The following RBL1 variants were observed in gnomAD, a reference collection of about 807,000 sequenced individuals.
RBL1 encodes retinoblastoma-like protein 1.
Under a neutral mutation model 123.0 loss-of-function variants are expected in RBL1, and 82 were observed. The observed-to-expected ratio is 0.67, with a 90% CI of 0.56 to 0.80. The LOEUF (loss-of-function observed/expected upper bound fraction) is 0.80. Among genes scored for constraint, RBL1 ranks in the 30% least tolerant of loss-of-function variants. The pLI is 0.00. For missense variants in RBL1, 1,171 were observed against 1,299.6 expected (o/e 0.90, Z 1.52); for synonymous variants, 405 against 441.3 (o/e 0.92, Z 1.03).
In RBL1 at chr20:36,998,125, G is replaced by A. The variant is rs1189080365; in HGVS notation, c.*634C>T. 1 of 148,826 alleles carries A rather than the reference G, an allele frequency of 6.7e-6. No homozygotes were observed. Among genetic ancestry groups the A allele is most frequent in the African/African-American group, 2.6e-5 (1 of 38,350 alleles). 9.2% of individuals were successfully genotyped at this position (148,826 alleles called of 1,614,324 possible). The stretch of plus-strand genomic sequence containing the variant: ...ATCCTCATATTACAGAACACAGAAG[G>A]AGACATTTATTTTTAAAAGAGAGCT... On this transcript the variant is annotated 3_prime_UTR_variant, in exon 22 of 22. Transcript: ENST00000373664.
At chr20:37,049,700 ATAACTAACTGTG>A (rs1172087689) in intron 11 of RBL1, 1 of 730,478 alleles carries the variant, frequency 1.4e-6, no homozygotes, top group Non-Finnish European at 2.5e-6. Flanking sequence ...AAACCAGAAG[ATAACTAACTGTG>A]TATGAGTTAA....
intron 20 of RBL1, among the ~76,000 whole-genome samples, 154 bp from the exon 21 acceptor site, chr20:37,004,020 C>CTT (rs34799722): frequency 7.4e-6 from 1 of 134,896 alleles, no homozygotes; most frequent in Non-Finnish European, 1.6e-5. Context: ...TTTACTTCTT[C>CTT]TTTTTTTTTT....
rs752315167 is a variant in RBL1, at chr20:37,035,510, T to TA, written c.1904-3dup. The TA allele has an allele frequency of 1.6e-4, 246 of 1,523,168 alleles. No homozygotes were observed. Among genetic ancestry groups the TA allele is most frequent in the Middle Eastern group, 3.5e-4 (2 of 5,686 alleles). 94.4% of individuals were successfully genotyped at this position (1,523,168 alleles called of 1,614,324 possible). On this transcript the variant is annotated splice_region_variant and splice_polypyrimidine_tract_variant and intron_variant, in intron 14 of 21. Transcript: ENST00000373664. ...AAATTGGAGACAATGGTTGCATATC[T>TA]AAAAAAAAATAATAAATTTAAAACA...
At chr20:37,036,086 A>C (rs1044696379) in intron 14 of RBL1, among the ~76,000 whole-genome samples, 5 of 152,148 alleles carry the variant, frequency 3.3e-5, no homozygotes, top group Non-Finnish European at 1.5e-5. Flanking sequence ...TCAAAAATAA[A>C]GTAAGGATTA....
Position 37,066,872 on chromosome 20 carries a change from T to TGTAG in RBL1, c.697_698insCTAC (p.Asp233AlafsTer7), listed in dbSNP as rs773464222. On this transcript the variant is annotated frameshift_variant, in exon 6 of 22. Coordinates refer to ENST00000373664, the MANE Select transcript of RBL1 (RefSeq NM_002895.5). LOFTEE classifies it high-confidence loss of function. ...AGCCGTAAAGTCAGCAGTATGAAAATCAGATGGTAAACCTAGTTTGACAGT... is the reference window on the plus strand; with the variant it reads ...AGCCGTAAAGTCAGCAGTATGAAAATGTAGCAGATGGTAAACCTAGTTTGACAGT... 1 of 1,613,100 alleles carries TGTAG rather than the reference T, an allele frequency of 6.2e-7. No individual in the cohort carries two copies. The highest frequency in any genetic ancestry group is 8.5e-7 in the Non-Finnish European group (1 of 1,179,774).
At chr20:37,058,923 A>G (rs1353430203) in intron 9 of RBL1, among the ~76,000 whole-genome samples, 1 of 152,078 alleles carries the variant, frequency 6.6e-6, no homozygotes, top group Non-Finnish European at 1.5e-5. Context: ...CTGTAGAGAC[A>G]GGGTCTCATC....
chr20:36,996,608 A>C lies in RBL1; in HGVS notation c.*2151T>G, dbSNP rs913089175. ...CAGGCACATGCCATCACACCCAACT[A>C]ATTTTTTTATTTTTTGTAGAGATGA... On this transcript the variant is annotated 3_prime_UTR_variant, in exon 22 of 22. Coordinates refer to ENST00000373664, the MANE Select transcript of RBL1 (RefSeq NM_002895.5). 1 of 152,064 alleles carries C rather than the reference A, an allele frequency of 6.6e-6. No homozygotes were observed. Among genetic ancestry groups the C allele is most frequent in the African/African-American group, 2.4e-5 (1 of 41,402 alleles). 9.4% of individuals were successfully genotyped at this position (152,064 alleles called of 1,614,324 possible).
At chr20:37,078,002 G>A (rs1819233992) in intron 2 of RBL1, among the ~76,000 whole-genome samples, 1 of 152,146 alleles carries the variant, frequency 6.6e-6, no homozygotes, top group Non-Finnish European at 1.5e-5. Flanking sequence ...CCTGGAACCA[G>A]TTCCTCAGAC....
chr20:37,023,621 A>G (rs1212256752), intron 16 of RBL1, among the ~76,000 whole-genome samples: 1 of 152,182 alleles, frequency 6.6e-6, no homozygotes, highest in Non-Finnish European at 1.5e-5. Flanking sequence ...CAGGAATGTT[A>G]AAATAAGTAA....
intron 11 of RBL1, chr20:37,049,730 T>C: frequency 1.6e-6 from 1 of 611,542 alleles, no homozygotes; most frequent in Non-Finnish European, 2.9e-6. Context: ...TAATAAAAGA[T>C]ATAAACTAAC....
In RBL1 at chr20:37,003,794, G is replaced by A; in HGVS notation, c.2944C>T (p.Gln982Ter). The change falls in exon 21 of 22, where the codon CAG becomes TAG. Residue 982 changes from glutamine to a stop codon, truncating the protein, a stop_gained. Coordinates refer to ENST00000373664, the MANE Select transcript of RBL1 (RefSeq NM_002895.5). LOFTEE classifies it high-confidence loss of function. ...QPGSPRRISQ[Q>*]HSIYISPHKN... ...TGCGGGGAAATATAAATGGAGTGCT[G>A]CTGGGAAATGCGGCGTGGTGAGCCT... is the stretch of plus-strand genomic sequence containing the variant. 1 of 1,614,060 alleles carries A rather than the reference G, an allele frequency of 6.2e-7. No individual in the cohort carries two copies. The highest frequency in any genetic ancestry group is 1.1e-5 in the South Asian group (1 of 91,086).
In RBL1 at chr20:37,074,840, A is replaced by G. The variant is rs527822816; in HGVS notation, c.291-6654T>C. On this transcript the variant is annotated intron_variant, in intron 2 of 21. Coordinates refer to ENST00000373664, the MANE Select transcript of RBL1 (RefSeq NM_002895.5). ...ACTCTGTCTCAAAGAAAAGTTAAAC[A>G]TAGAATCACCATATGACTCAGCAAT... 3.3e-5 allele frequency among the ~76,000 whole-genome samples: 5 copies of G among 152,324 alleles called. No individual in the cohort carries two copies. The East Asian group carries it at 9.6e-4, about 29-fold the overall frequency.
At chr20:37,020,779 T>C in intron 17 of RBL1, 49 bp from the exon 18 acceptor site, 1 of 1,296,358 alleles carries the variant, frequency 7.7e-7, no homozygotes, top group Non-Finnish European at 1.1e-6. Flanking sequence ...GAAAGAAAAA[T>C]GGCTCTGAAC....
At chr20:37,059,390 G>C (rs1164157949) in intron 9 of RBL1, among the ~76,000 whole-genome samples, 1 of 152,098 alleles carries the variant, frequency 6.6e-6, no homozygotes, top group Non-Finnish European at 1.5e-5. Context: ...CCTATTCTAG[G>C]GTTCACTATT....
In RBL1 at chr20:37,066,819, C is replaced by A; in HGVS notation, c.751G>T (p.Val251Leu). The A allele has an allele frequency of 1.2e-6, 2 of 1,612,924 alleles. No individual in the cohort carries two copies. The highest frequency in any genetic ancestry group is 1.7e-6 in the Non-Finnish European group (2 of 1,179,144). Residue 251 changes from valine (V) to leucine (L), a missense_variant, in exon 6 of 22, where the codon GTA becomes TTA. Physicochemically the swap from Val to Leu is conservative, Grantham distance 32. Transcript: ENST00000373664. ...ASEEPPCIIA[V>L]LCELHDGLLV... Reference sequence around the variant, plus strand: ...AGTCCATCATGCAGTTCACACAGTACAGCAATGATGCAGGGTGGCTCTTCA... The same window carrying A: ...AGTCCATCATGCAGTTCACACAGTAAAGCAATGATGCAGGGTGGCTCTTCA...
At chr20:37,061,833 AT>A (rs1394128334) in intron 8 of RBL1, among the ~76,000 whole-genome samples, 3 of 152,234 alleles carry the variant, frequency 2.0e-5, no homozygotes, top group Non-Finnish European at 2.9e-5. Context: ...CTTCCTCTTC[AT>A]GTCAAAAGAC....
chr20:37,033,415 C>T (rs2064547329), intron 15 of RBL1, among the ~76,000 whole-genome samples: 1 of 151,692 alleles, frequency 6.6e-6, no homozygotes, highest in South Asian at 2.1e-4. Context: ...GATCTCCTGA[C>T]CTCATGATCT....
intron 2 of RBL1, among the ~76,000 whole-genome samples, chr20:37,079,989 G>A (rs961344291): frequency 7.3e-5 from 11 of 151,718 alleles, no homozygotes; most frequent in African/African-American, 2.7e-4. Context: ...CAAATTCTAT[G>A]CAAATAATAA....
chr20:37,018,362 C>T lies in RBL1; in HGVS notation c.2639G>A (p.Arg880Lys). Residue 880 changes from arginine (R) to lysine (K), a missense_variant, in exon 19 of 22, where the codon AGA becomes AAA. By Grantham distance (26) the Arg-to-Lys change is conservative (BLOSUM62 2). Coordinates refer to ENST00000373664, the MANE Select transcript of RBL1 (RefSeq NM_002895.5). ...TGGAATACTTTTCAGCAGAACACTT[C>T]TATATACCTACATGCCAGAGGGGAA... Reference protein sequence around the residue: ...NQPQANSHVYRSVLLKSIPRE... With the variant: ...NQPQANSHVYKSVLLKSIPRE... 1 of 1,609,346 alleles carries T rather than the reference C, an allele frequency of 6.2e-7. No homozygotes were observed. The highest frequency in any genetic ancestry group is 8.5e-7 in the Non-Finnish European group (1 of 1,178,428).
Sources: gnomAD v4.1 joint callset for allele counts (sites outside exome capture counted in the v4.1 genomes callset) on GRCh38, gnomAD v4.1.1 for gene constraint, MANE v1.5 for transcripts, NCBI Gene and HGNC (gene_info 2026-07-23, HGNC 2026-07-21) for gene names.